TACC1: variants seen among roughly 807,000 people sequenced by gnomAD.
TACC1 encodes the protein transforming acidic coiled-coil containing protein 1, also known as transforming acidic coiled-coil-containing protein 1.
TACC1 carries 48 observed loss-of-function variants against 84.4 expected under a neutral mutation model. The observed-to-expected ratio is 0.57, with a 90% confidence interval of 0.45 to 0.72. The LOEUF is 0.72. TACC1 is among the 30% of genes least tolerant of loss of function. The probability of loss-of-function intolerance (pLI) is 0.00; values close to 1 mark genes in which losing one functional copy is unlikely to be tolerated. For synonymous variants in TACC1, 372 were observed against 376.3 expected (o/e 0.99, Z 0.13); for missense variants, 920 against 973.0 (o/e 0.95, Z 0.72).
rs572178245 is a variant in TACC1 at position 38,797,831 on chromosome 8, C to T, written c.277+9012C>T. On this transcript the variant is annotated intron_variant, in intron 2 of 12. Transcript: ENST00000317827. The stretch of plus-strand genomic sequence containing the variant: ...GCTCTTTCCCCCCTTGCTCTTCCTG[C>T]CAGAATAGGTTGGGGATGGGGGAGA... Among the ~76,000 whole-genome samples, 9 of 152,316 alleles carry T rather than the reference C, an allele frequency of 5.9e-5. No individual in the cohort carries two copies. In the South Asian group the frequency reaches 1.9e-3, roughly 32 times the overall value.
At chr8:38,822,053 C>T (rs187007286) in intron 3 of TACC1, among the ~76,000 whole-genome samples, 1 of 151,820 alleles carries the variant, frequency 6.6e-6, no homozygotes, top group Admixed American at 6.6e-5. Flanking sequence ...AGACACCCCC[C>T]CACACACACC....
chr8:38,811,672 G>A (rs1047402173), intron 2 of TACC1, among the ~76,000 whole-genome samples: 3 of 151,836 alleles, frequency 2.0e-5, no homozygotes, highest in Non-Finnish European at 2.9e-5. Flanking sequence ...TGTTATCTTC[G>A]TAAGCTGAGG....
chr8:38,739,382 T>C (rs1374238256), intron 1 of TACC1, among the ~76,000 whole-genome samples: 9 of 152,222 alleles, frequency 5.9e-5, no homozygotes, highest in Admixed American at 3.3e-4. Context: ...TGTACACATA[T>C]AGTGGTATTA....
chr8:38,819,851 G>A lies in TACC1; in HGVS notation c.607G>A (p.Val203Ile). 1 of 1,613,950 alleles carries A rather than the reference G, an allele frequency of 6.2e-7. No individual in the cohort carries two copies. The highest frequency in any genetic ancestry group is 8.5e-7 in the Non-Finnish European group (1 of 1,180,046). ...DEAMTEGSMGVTLEASAEADL... is the reference protein window; with the variant it reads ...DEAMTEGSMGITLEASAEADL... ...GGCGATGACAGAAGGCAGCATGGGGGTCACCCTCGAGGCCTCCGCAGAAGC... is the reference window on the plus strand; with the variant it reads ...GGCGATGACAGAAGGCAGCATGGGGATCACCCTCGAGGCCTCCGCAGAAGC... Residue 203 changes from valine to isoleucine, a missense_variant, in exon 3 of 13, where the codon GTC becomes ATC. By Grantham distance (29) the Val-to-Ile change is conservative (BLOSUM62 3). Around this residue, in one of 2 missense-constraint regions of TACC1, gnomAD observed 762 missense variants for 747.3 expected, o/e 1.02. Transcript: ENST00000317827.
intron 2 of TACC1, among the ~76,000 whole-genome samples, chr8:38,806,456 G>A (rs139873276): frequency 1.7e-4 from 26 of 152,094 alleles, no homozygotes; most frequent in African/African-American, 6.0e-4. Context: ...GCCTGTGTGT[G>A]TGTGTATGTG....
intron 1 of TACC1, among the ~76,000 whole-genome samples, chr8:38,733,425 G>A (rs894060546): frequency 6.6e-6 from 1 of 152,030 alleles, no homozygotes. Flanking sequence ...TTAGGCTTCA[G>A]TGTGACAGTG....
chr8:38,789,828 A>G (rs567072486), intron 2 of TACC1, among the ~76,000 whole-genome samples: 1 of 152,352 alleles, frequency 6.6e-6, no homozygotes, highest in East Asian at 1.9e-4. Flanking sequence ...TTTGAGGACC[A>G]GCCAGGAGGT....
At chr8:38,836,072 G>A in intron 6 of TACC1, 90 bp from the exon 7 acceptor site, 1 of 1,540,992 alleles carries the variant, frequency 6.5e-7, no homozygotes, top group Non-Finnish European at 8.8e-7. Flanking sequence ...TAAAGGATGT[G>A]ATCAATTTAG....
intron 3 of TACC1, among the ~76,000 whole-genome samples, chr8:38,746,116 C>T (rs938205921): frequency 7.9e-5 from 12 of 152,162 alleles, no homozygotes; most frequent in East Asian, 1.9e-4. Context: ...CCTGCCCAGC[C>T]GGCAAGGGCT....
intron 1 of TACC1, among the ~76,000 whole-genome samples, chr8:38,738,973 C>A (rs1806537679): frequency 6.6e-6 from 1 of 152,196 alleles, no homozygotes; most frequent in Admixed American, 6.5e-5. Flanking sequence ...TCACTGCAAC[C>A]TCCGCCTCCC....
At chr8:38,825,445 G>A (rs1306424449) in intron 4 of TACC1, 77 bp downstream of exon 4, 1 of 1,526,172 alleles carries the variant, frequency 6.6e-7, no homozygotes. Flanking sequence ...CCTGGCGGGT[G>A]GTTCAAAAGG....
Position 38,820,417 on chromosome 8 carries a change from C to A in TACC1, c.1173C>A (p.Ser391Arg), listed in dbSNP as rs749575914. 6.2e-7 allele frequency: 1 copy of A among 1,614,100 alleles called. No individual in the cohort carries two copies. The highest frequency in any genetic ancestry group is 1.1e-5 in the South Asian group (1 of 91,070). ...AGCCAGATCCTAGTCAGTGGGAAAG[C>A]CCCAGCTTCAACCCCTTTGGGAGCC... is the stretch of plus-strand genomic sequence containing the variant. ...SSKPDPSQWE[S>R]PSFNPFGSHS... Residue 391 changes from serine (S) to arginine (R), a missense_variant, in exon 3 of 13, where the codon AGC becomes AGA. Transcript: ENST00000317827.
rs1412657739 is a variant in TACC1 at position 38,774,994 on chromosome 8, C to A, written c.27-13710C>A. On this transcript the variant is annotated intron_variant, in intron 3 of 14. Coordinates refer to the TACC1 transcript ENST00000518415. Reference sequence around the variant, plus strand: ...CCACTGCACTCCAGCCTGGGTGACACGGTGAGACTCCGTCTCAAAAAAAAA... The same window carrying A: ...CCACTGCACTCCAGCCTGGGTGACAAGGTGAGACTCCGTCTCAAAAAAAAA... Among the ~76,000 whole-genome samples, 3 of 130,992 alleles carry A rather than the reference C, an allele frequency of 2.3e-5. No individual in the cohort carries two copies. In the Admixed American group the frequency reaches 2.7e-4, roughly 12 times the overall value. The allele number at this position is 130,992 out of a possible 152,430, so 85.9% of individuals were successfully genotyped here. A position where few individuals can be genotyped will look rare whatever the true frequency, so the allele number is the denominator to read the frequency against.
chr8:38,799,799 T>C (rs1196303477), intron 2 of TACC1: 1 of 152,176 alleles, frequency 6.6e-6, no homozygotes, highest in African/African-American at 2.4e-5. Flanking sequence ...AAACCCCAAA[T>C]TGATGGGATG....
rs1196270395 is a variant in TACC1 at position 38,846,789 on chromosome 8, G to T, written c.2319G>T (p.Val773=). The T allele has an allele frequency of 1.9e-6, 3 of 1,614,058 alleles. No homozygotes were observed. ...GACTCCGCAAAGAGCAGATGAAGGTGGAGTCCCTGGAAAGGGCCCTGCAGC... is the reference window on the plus strand; with the variant it reads ...GACTCCGCAAAGAGCAGATGAAGGTTGAGTCCCTGGAAAGGGCCCTGCAGC... ...HAGLRKEQMK[V]ESLERALQQK... Residue 773 remains valine, a synonymous_variant, in exon 12 of 13, where the codon GTG becomes GTT. Transcript: ENST00000317827.
intron 2 of TACC1, among the ~76,000 whole-genome samples, chr8:38,813,507 A>G (rs962422065): frequency 2.6e-5 from 4 of 152,160 alleles, no homozygotes; most frequent in African/African-American, 9.7e-5. Flanking sequence ...TCCTGTTGTC[A>G]TTGATGTTTC....
intron 5 of TACC1, among the ~76,000 whole-genome samples, chr8:38,829,982 G>T (rs2152275390): frequency 3.9e-5 from 6 of 152,288 alleles, no homozygotes; most frequent in Middle Eastern, 6.8e-3. Flanking sequence ...ACACAGCCAT[G>T]GGAAGAAAGC....
chr8:38,827,474 G>A (rs760529768), intron 5 of TACC1, 99 bp downstream of exon 5: 1 of 1,234,626 alleles, frequency 8.1e-7, no homozygotes, highest in South Asian at 1.4e-5. Context: ...AAAGAATTGG[G>A]TCACTTGAAG....
chr8:38,730,652 C>T (rs983150924), intron 1 of TACC1, among the ~76,000 whole-genome samples: 1 of 152,198 alleles, frequency 6.6e-6, no homozygotes, highest in Non-Finnish European at 1.5e-5. Flanking sequence ...CTGGGGCCCC[C>T]TCCCCCTGAG....
Sources: allele counts gnomAD v4.1 joint callset (sites outside exome capture counted in the v4.1 genomes callset), GRCh38; gene constraint gnomAD v4.1.1; regional missense constraint gnomAD v4.1.1; transcripts MANE v1.5; gene names NCBI Gene and HGNC (gene_info 2026-07-23, HGNC 2026-07-21).